Variants in CTXND1 observed in about 807,000 individuals in gnomAD.
CTXND1 encodes the protein cortexin domain containing 1.
chr15:80,235,826 A>G (rs1421089700), intron 1 of CTXND1, among the ~76,000 whole-genome samples: 2 of 151,714 alleles, frequency 1.3e-5, no homozygotes, highest in Non-Finnish European at 2.9e-5. Context: ...CAAATCATTC[A>G]TTCCTTTGAA....
In CTXND1 at chr15:80,204,169, A is replaced by AAT. The variant is rs1282033532; in HGVS notation, c.-217-431_-217-430dup. Among the ~76,000 whole-genome samples the AAT allele has an allele frequency of 2.5e-3, 161 of 65,186 alleles. 3 individuals are homozygous for AAT. The highest frequency in any genetic ancestry group is 5.6e-3 in the African/African-American group (73 of 12,984). The allele number at this position is 65,186 out of a possible 152,430, so 42.8% of individuals were successfully genotyped here. A position where few individuals can be genotyped will look rare whatever the true frequency, so the allele number is the denominator to read the frequency against. On this transcript the variant is annotated intron_variant, in intron 1 of 2. Coordinates refer to ENST00000560778, the MANE Select transcript of CTXND1 (RefSeq NM_001352888.2). ...CTCAAAAAAAAAAAAAAAAAAAAAA[A>AAT]ATATATATATATATATATATATATA...
At chr15:80,247,099 G>A (rs894896697) in intron 1 of CTXND1, among the ~76,000 whole-genome samples, 6 of 152,148 alleles carry the variant, frequency 3.9e-5, no homozygotes, top group South Asian at 2.1e-4. Flanking sequence ...CTGTGGTCTC[G>A]CAGCTGGAAG....
intron 1 of CTXND1, among the ~76,000 whole-genome samples, chr15:80,227,840 A>C (rs1220755103): frequency 6.6e-6 from 1 of 152,198 alleles, no homozygotes; most frequent in Non-Finnish European, 1.5e-5. Flanking sequence ...TAGCCATGGC[A>C]ATGTCTTCAA....
intron 1 of CTXND1, among the ~76,000 whole-genome samples, chr15:80,205,450 T>C (rs919193309): frequency 6.6e-6 from 1 of 152,236 alleles, no homozygotes; most frequent in African/African-American, 2.4e-5. Context: ...TAAGCTTCCA[T>C]TGGCAAAGGT....
At position 80,199,593 on chromosome 15, in the gene CTXND1, T is replaced by G. The variant is rs1428312590; in HGVS notation, c.*2177A>C. On this transcript the variant is annotated 3_prime_UTR_variant, in exon 3 of 3. Coordinates refer to ENST00000560778, the MANE Select transcript of CTXND1 (RefSeq NM_001352888.2). ...CCTGAGGCAATGCACAAAAGGCTTT[T>G]GCTTTAGATCCTCCCCATCATACAG... is the stretch of plus-strand genomic sequence containing the variant. 1 of 152,322 alleles carries G rather than the reference T, an allele frequency of 6.6e-6. No homozygotes were observed. 9.4% of individuals were successfully genotyped at this position (152,322 alleles called of 1,614,324 possible). A position where few individuals can be genotyped will look rare whatever the true frequency, so the allele number is the denominator to read the frequency against.
chr15:80,202,247 C>G (rs901820358), intron 2 of CTXND1, among the ~76,000 whole-genome samples: 1 of 151,922 alleles, frequency 6.6e-6, no homozygotes, highest in Non-Finnish European at 1.5e-5. Context: ...AGTGCCTCCC[C>G]AGACTGGGGC....
At chr15:80,214,588 T>A (rs1456821459) in intron 1 of CTXND1, among the ~76,000 whole-genome samples, 2 of 152,172 alleles carry the variant, frequency 1.3e-5, no homozygotes, top group African/African-American at 4.8e-5. Flanking sequence ...AAAATTACTA[T>A]AATAAGAATA....
chr15:80,210,405 G>A (rs1893192671), intron 1 of CTXND1, among the ~76,000 whole-genome samples: 1 of 152,180 alleles, frequency 6.6e-6, no homozygotes, highest in African/African-American at 2.4e-5. Flanking sequence ...TAAGCCAGAA[G>A]CTGTTTCTCT....
At chr15:80,227,212 C>G (rs1451103814) in intron 1 of CTXND1, among the ~76,000 whole-genome samples, 3 of 151,904 alleles carry the variant, frequency 2.0e-5, no homozygotes, top group African/African-American at 7.3e-5. Flanking sequence ...GTTCACAGTA[C>G]CTTTGACATT....
rs1404973156 is a variant in CTXND1 at position 80,196,482 on chromosome 15, C to T, written c.*5288G>A. ...AGACTGCAGTTACCACTCTGGGCCT[C>T]ATGACCAGCCACAGAAGGGGGCACT... On this transcript the variant is annotated 3_prime_UTR_variant, in exon 3 of 3. Transcript: ENST00000560778. The T allele has an allele frequency of 6.6e-6, 1 of 152,180 alleles. No homozygotes were observed. Among genetic ancestry groups the T allele is most frequent in the Non-Finnish European group, 1.5e-5 (1 of 68,038 alleles). The allele number at this position is 152,180 out of a possible 1,614,324, so 9.4% of individuals were successfully genotyped here. A position where few individuals can be genotyped will look rare whatever the true frequency, so the allele number is the denominator to read the frequency against.
At chr15:80,208,992 C>T (rs777657829) in intron 1 of CTXND1, among the ~76,000 whole-genome samples, 2 of 152,212 alleles carry the variant, frequency 1.3e-5, no homozygotes, top group Non-Finnish European at 2.9e-5. Flanking sequence ...CCTCTCAAAC[C>T]TTGATTCTGA....
intron 1 of CTXND1, among the ~76,000 whole-genome samples, chr15:80,232,089 G>A (rs1031334301): frequency 1.3e-5 from 2 of 152,120 alleles, no homozygotes; most frequent in Non-Finnish European, 2.9e-5. Context: ...GGGCATAAGC[G>A]GAGTGAGGCT....
At chr15:80,214,453 A>G (rs983140777) in intron 1 of CTXND1, among the ~76,000 whole-genome samples, 1 of 152,350 alleles carries the variant, frequency 6.6e-6, no homozygotes, top group South Asian at 2.1e-4. Context: ...AAAATTCTGC[A>G]GACTGCATTT....
intron 1 of CTXND1, among the ~76,000 whole-genome samples, chr15:80,223,456 C>T (rs192882516): frequency 6.6e-6 from 1 of 152,222 alleles, no homozygotes; most frequent in Non-Finnish European, 1.5e-5. Context: ...ATTCACTCTA[C>T]AACTAGTGGA....
At chr15:80,233,606 C>T (rs977305388) in intron 1 of CTXND1, among the ~76,000 whole-genome samples, 1 of 152,142 alleles carries the variant, frequency 6.6e-6, no homozygotes, top group Non-Finnish European at 1.5e-5. Flanking sequence ...CCTCCCTGAA[C>T]AAAGTGAGCT....
rs905446763 is a variant in CTXND1, at chr15:80,199,090, T to C, written c.*2680A>G. 2 of 152,326 alleles carry C rather than the reference T, an allele frequency of 1.3e-5. No homozygotes were observed. The highest frequency in any genetic ancestry group is 3.9e-4 in the East Asian group (2 of 5,186). 9.4% of individuals were successfully genotyped at this position (152,326 alleles called of 1,614,324 possible). A position where few individuals can be genotyped will look rare whatever the true frequency, so the allele number is the denominator to read the frequency against. On this transcript the variant is annotated 3_prime_UTR_variant, in exon 3 of 3. Coordinates refer to ENST00000560778, the MANE Select transcript of CTXND1 (RefSeq NM_001352888.2). ...GAGTGCTTTTTATATTTTCCACCCTTCCTGAAATGCTACTATTTCCTGTTG... is the reference window on the plus strand; with the variant it reads ...GAGTGCTTTTTATATTTTCCACCCTCCCTGAAATGCTACTATTTCCTGTTG...
intron 1 of CTXND1, among the ~76,000 whole-genome samples, chr15:80,250,994 G>GTGTT (rs1461554559): frequency 6.6e-6 from 1 of 152,204 alleles, no homozygotes; most frequent in Non-Finnish European, 1.5e-5. Flanking sequence ...TTGTATCACA[G>GTGTT]TGTTAATCCA....
intron 1 of CTXND1, among the ~76,000 whole-genome samples, chr15:80,246,181 T>C (rs1893626836): frequency 6.6e-6 from 1 of 152,246 alleles, no homozygotes; most frequent in Admixed American, 6.5e-5. Context: ...TTCAAAGGAC[T>C]CAGCTGTTAA....
chr15:80,242,973 GCACA>G (rs1268004917), intron 1 of CTXND1, among the ~76,000 whole-genome samples: 5 of 152,194 alleles, frequency 3.3e-5, no homozygotes, highest in Non-Finnish European at 7.3e-5. Context: ...AAACTTTGTT[GCACA>G]GGCAGGTCAG....
Sources: gnomAD v4.1 joint callset for allele counts (sites outside exome capture counted in the v4.1 genomes callset) on GRCh38, gnomAD v4.1.1 for gene constraint, MANE v1.5 for transcripts, NCBI Gene and HGNC (gene_info 2026-07-23, HGNC 2026-07-21) for gene names.